The following ENOX1 variants were observed in gnomAD, a reference collection of about 807,000 sequenced individuals.
The protein encoded by ENOX1 is candidate growth-related and time keeping constitutive hydroquinone (NADH) oxidase.
Under a neutral mutation model 82.5 loss-of-function variants are expected in ENOX1, and 42 were observed. The observed-to-expected ratio is 0.51, with a 90% confidence interval of 0.40 to 0.66. ENOX1 has a LOEUF of 0.66. ENOX1 is among the 30% of genes least tolerant of loss of function. The pLI is 0.00. For synonymous variants in ENOX1, 271 were observed against 282.2 expected (o/e 0.96, Z 0.40); for missense variants, 608 against 811.6 (o/e 0.75, Z 3.05).
At chr13:43,746,293 AC>A (rs1404277856) in intron 1 of ENOX1, among the ~76,000 whole-genome samples, 1 of 152,104 alleles carries the variant, frequency 6.6e-6, no homozygotes, top group African/African-American at 2.4e-5. Context: ...GAGTTTTGTA[AC>A]CTTGGATTAC....
chr13:43,482,665 TAAGAAA>T (rs1361891476), intron 3 of ENOX1, among the ~76,000 whole-genome samples: 4 of 141,360 alleles, frequency 2.8e-5, no homozygotes, highest in African/African-American at 1.0e-4. Context: ...AAAAAAAAAC[TAAGAAA>T]AAAAGGAAAT....
At chr13:43,346,832 G>A (rs2049413073) in intron 8 of ENOX1, among the ~76,000 whole-genome samples, 2 of 151,606 alleles carry the variant, frequency 1.3e-5, no homozygotes, top group Non-Finnish European at 2.9e-5. Context: ...ATGGACCTCA[G>A]AACAGACAGC....
chr13:43,223,730 C>T (rs568951403), intron 16 of ENOX1, among the ~76,000 whole-genome samples: 2 of 152,228 alleles, frequency 1.3e-5, no homozygotes, highest in East Asian at 3.9e-4. Context: ...GCCCTATTAG[C>T]CACACTCACC....
intron 2 of ENOX1, among the ~76,000 whole-genome samples, chr13:43,594,066 T>C (rs979648568): frequency 2.6e-5 from 4 of 152,118 alleles, no homozygotes; most frequent in African/African-American, 4.8e-5. Context: ...GAGGGCAAAA[T>C]AAACTCTTCC....
chr13:43,622,958 G>A (rs2153746903), intron 2 of ENOX1, among the ~76,000 whole-genome samples: 1 of 152,192 alleles, frequency 6.6e-6, no homozygotes, highest in African/African-American at 2.4e-5. Context: ...ATGGGGGTGA[G>A]ACTCCCAGGT....
chr13:43,587,293 T>A (rs965260696), intron 2 of ENOX1, among the ~76,000 whole-genome samples: 7 of 152,174 alleles, frequency 4.6e-5, no homozygotes, highest in Non-Finnish European at 8.8e-5. Flanking sequence ...CATAGATAAG[T>A]TTTTTACTTT....
intron 2 of ENOX1, among the ~76,000 whole-genome samples, chr13:43,497,464 T>C (rs2076833650): frequency 6.6e-6 from 1 of 152,138 alleles, no homozygotes; most frequent in African/African-American, 2.4e-5. Flanking sequence ...TGATTAGAGG[T>C]TGAATTTTAT....
chr13:43,517,500 T>TA (rs1370870051), intron 2 of ENOX1, among the ~76,000 whole-genome samples: 3 of 152,008 alleles, frequency 2.0e-5, no homozygotes, highest in Non-Finnish European at 2.9e-5. Flanking sequence ...CCCTGTCTCA[T>TA]AAAAAATGCC....
chr13:43,698,959 G>A (rs1000561260), intron 1 of ENOX1, among the ~76,000 whole-genome samples: 2 of 152,186 alleles, frequency 1.3e-5, no homozygotes, highest in African/African-American at 4.8e-5. Context: ...GACTCTCTTT[G>A]GCACTGATAT....
At chr13:43,338,056 C>G (rs2048817293) in intron 9 of ENOX1, among the ~76,000 whole-genome samples, 1 of 152,210 alleles carries the variant, frequency 6.6e-6, no homozygotes, top group African/African-American at 2.4e-5. Flanking sequence ...TTGTTCCCTT[C>G]TCTCTTACCA....
At position 43,620,455 on chromosome 13, in the gene ENOX1, G is replaced by A. The variant is rs147706657; in HGVS notation, c.-219+47024C>T. 1.3e-3 allele frequency among the ~76,000 whole-genome samples: 203 copies of A among 152,048 alleles called. 1 individual carries two copies. Among genetic ancestry groups the A allele is most frequent in the African/African-American group, 4.4e-3 (182 of 41,510 alleles). On this transcript the variant is annotated intron_variant, in intron 2 of 16. Coordinates refer to ENST00000690772, the MANE Select transcript of ENOX1 (RefSeq NM_001347969.2). ...TTTGATAGGTTGTGTCATTACTGTC[G>A]TTCAGTTTGAAGAATTTTTAAATTT... is the stretch of plus-strand genomic sequence containing the variant.
intron 2 of ENOX1, among the ~76,000 whole-genome samples, chr13:43,627,176 T>C (rs1319259499): frequency 1.3e-5 from 2 of 152,204 alleles, no homozygotes; most frequent in East Asian, 3.9e-4. Context: ...TATGTCATTA[T>C]ATCTGATGTT....
At chr13:43,509,133 A>G (rs2077277486) in intron 2 of ENOX1, among the ~76,000 whole-genome samples, 1 of 152,066 alleles carries the variant, frequency 6.6e-6, no homozygotes, top group Admixed American at 6.6e-5. Context: ...TATCACAGCA[A>G]TATTTTAGAA....
chr13:43,389,538 C>T (rs909775884), intron 5 of ENOX1, among the ~76,000 whole-genome samples: 3 of 152,126 alleles, frequency 2.0e-5, no homozygotes, highest in African/African-American at 4.8e-5. Flanking sequence ...ACTTAATCCA[C>T]GTAGAGGGCT....
intron 11 of ENOX1, among the ~76,000 whole-genome samples, chr13:43,302,976 G>A (rs9594924): frequency 6.6e-6 from 1 of 152,092 alleles, no homozygotes; most frequent in African/African-American, 2.4e-5. Flanking sequence ...TTAACATATC[G>A]TTTCTAACAA....
At chr13:43,541,564 C>A (rs1043654143) in intron 2 of ENOX1, among the ~76,000 whole-genome samples, 5 of 152,148 alleles carry the variant, frequency 3.3e-5, no homozygotes, top group Non-Finnish European at 5.9e-5. Flanking sequence ...CTATATTATT[C>A]TTTTCACAAA....
chr13:43,477,289 A>T (rs928045163), intron 3 of ENOX1, among the ~76,000 whole-genome samples: 14 of 151,932 alleles, frequency 9.2e-5, no homozygotes, highest in African/African-American at 3.4e-4. Flanking sequence ...AAGGAGAAGT[A>T]GATATCTGAA....
At chr13:43,296,347 A>G (rs1345317678) in intron 12 of ENOX1, among the ~76,000 whole-genome samples, 2 of 152,212 alleles carry the variant, frequency 1.3e-5, no homozygotes, top group African/African-American at 4.8e-5. Context: ...GAGAATGACA[A>G]GGGATGATGA....
intron 2 of ENOX1, among the ~76,000 whole-genome samples, chr13:43,513,170 G>A (rs1277512954): frequency 1.3e-5 from 2 of 152,096 alleles, no homozygotes; most frequent in Non-Finnish European, 2.9e-5. Context: ...TTAGCTGGGT[G>A]TGCTGGTGCA....
Sources: allele counts gnomAD v4.1 joint callset (sites outside exome capture counted in the v4.1 genomes callset), GRCh38; gene constraint gnomAD v4.1.1; transcripts MANE v1.5; gene names NCBI Gene and HGNC (gene_info 2026-07-23, HGNC 2026-07-21).